Variants in CCDC102B observed in about 807,000 individuals in gnomAD.
The protein encoded by CCDC102B is coiled-coil domain-containing protein 102B.
Under a neutral mutation model 57.4 loss-of-function variants are expected in CCDC102B, and 75 were observed. That is an observed-to-expected ratio of 1.31 (90% CI 1.08 to 1.58). CCDC102B has a LOEUF of 1.58. CCDC102B is among the 40% of genes most tolerant of loss of function. The probability of loss-of-function intolerance (pLI) is 0.00; values close to 1 mark genes in which losing one functional copy is unlikely to be tolerated. For synonymous variants in CCDC102B, 206 were observed against 201.9 expected (o/e 1.02, Z -0.17); for missense variants, 636 against 582.6 (o/e 1.09, Z -0.94).
intron 4 of CCDC102B, among the ~76,000 whole-genome samples, chr18:68,847,796 G>A (rs2037941638): frequency 6.6e-6 from 1 of 151,666 alleles, no homozygotes; most frequent in Admixed American, 6.6e-5. Flanking sequence ...TCTTTTGAGT[G>A]CATATTTCAG....
At chr18:68,973,576 T>C (rs571652953) in intron 6 of CCDC102B, among the ~76,000 whole-genome samples, 2 of 152,234 alleles carry the variant, frequency 1.3e-5, no homozygotes, top group African/African-American at 4.8e-5. Context: ...CACTTTTTCT[T>C]ATAAAACATC....
chr18:68,911,421 C>T lies in CCDC102B; in HGVS notation c.1263+13993C>T, dbSNP rs1038780250. 4.6e-5 allele frequency among the ~76,000 whole-genome samples: 7 copies of T among 152,028 alleles called. No homozygotes were observed. The East Asian group carries it at 9.7e-4, about 21-fold the overall frequency. On this transcript the variant is annotated intron_variant, in intron 6 of 7. Coordinates refer to ENST00000360242, the MANE Select transcript of CCDC102B (RefSeq NM_024781.3). The stretch of plus-strand genomic sequence containing the variant: ...GACACATATGGAAGAACAACAGACA[C>T]GGGGGTCTACAGGAGGGTGGTGGGT...
chr18:68,997,705 A>T (rs141291381), intron 6 of CCDC102B, among the ~76,000 whole-genome samples: 121 of 151,832 alleles, frequency 8.0e-4, no homozygotes, highest in African/African-American at 2.8e-3. Context: ...TATTTCATTC[A>T]TCCGTGTCTT....
At chr18:68,909,162 A>G (rs2040748939) in intron 6 of CCDC102B, among the ~76,000 whole-genome samples, 1 of 107,212 alleles carries the variant, frequency 9.3e-6, no homozygotes, top group African/African-American at 3.6e-5. Flanking sequence ...AAAAAGGAAA[A>G]CAAGAAGGAA....
At chr18:68,843,570 A>T (rs1034274048) in intron 3 of CCDC102B, among the ~76,000 whole-genome samples, 3 of 152,036 alleles carry the variant, frequency 2.0e-5, no homozygotes, top group East Asian at 1.9e-4. Flanking sequence ...TTTGGTTCAC[A>T]TTTTCTATTT....
intron 5 of CCDC102B, among the ~76,000 whole-genome samples, chr18:68,896,916 T>A (rs914328311): frequency 6.6e-6 from 1 of 151,778 alleles, no homozygotes; most frequent in Non-Finnish European, 1.5e-5. Flanking sequence ...CAGTTGAGAG[T>A]GGAGATTAAT....
rs190672725 is a variant in CCDC102B at position 68,875,779 on chromosome 18, G to A, written c.1053+994G>A. Reference sequence around the variant, plus strand: ...ATCATGAAACAGGATTTTGGAAAATGTATATACTGCAAGGGAACAGTTTTC... The same window carrying A: ...ATCATGAAACAGGATTTTGGAAAATATATATACTGCAAGGGAACAGTTTTC... On this transcript the variant is annotated intron_variant, in intron 5 of 7. Coordinates refer to ENST00000360242, the MANE Select transcript of CCDC102B (RefSeq NM_024781.3). Among the ~76,000 whole-genome samples the A allele has an allele frequency of 1.2e-4, 19 of 152,196 alleles. No individual in the cohort carries two copies. The South Asian group carries it at 1.9e-3, about 15-fold the overall frequency.
chr18:69,054,150 A>T lies in CCDC102B; in HGVS notation c.*13A>T. The T allele has an allele frequency of 6.3e-7, 1 of 1,584,508 alleles. No homozygotes were observed. ...GCAAAACTGGTAATTTTTTCACAAAATATGCTGAATTAAAGATTAGGGCCT... is the reference window on the plus strand; with the variant it reads ...GCAAAACTGGTAATTTTTTCACAAATTATGCTGAATTAAAGATTAGGGCCT... On this transcript the variant is annotated 3_prime_UTR_variant, in exon 8 of 8. Transcript: ENST00000360242.
chr18:68,852,529 A>G lies in CCDC102B; in HGVS notation c.936+6108A>G, dbSNP rs528351241. Among the ~76,000 whole-genome samples the G allele has an allele frequency of 9.2e-5, 14 of 152,224 alleles. No individual in the cohort carries two copies. The South Asian group carries it at 2.9e-3, about 32-fold the overall frequency. ...CATTTCTAGATTACTTATAATTCCT[A>G]CACACCATTTCATTCATGTGGAGTC... On this transcript the variant is annotated intron_variant, in intron 4 of 7. Transcript: ENST00000360242.
At chr18:69,049,278 A>G (rs1393193757) in intron 7 of CCDC102B, among the ~76,000 whole-genome samples, 1 of 152,082 alleles carries the variant, frequency 6.6e-6, no homozygotes, top group Non-Finnish European at 1.5e-5. Flanking sequence ...CTTATGAGTG[A>G]GAACATGTGG....
Position 68,726,040 on chromosome 18 carries a change from T to A in CCDC102B, c.-67+9446T>A, listed in dbSNP as rs553940761. On this transcript the variant is annotated intron_variant, in intron 2 of 3. Transcript: ENST00000578970. ...CTGCTAATGAGTCCATTCAGGGTGA[T>A]AGAATTAATTTAGGGGAATGGGGAG... is the stretch of plus-strand genomic sequence containing the variant. 5.9e-5 allele frequency among the ~76,000 whole-genome samples: 9 copies of A among 152,284 alleles called. No homozygotes were observed. In the South Asian group the frequency reaches 1.9e-3, roughly 32 times the overall value.
chr18:68,956,468 T>TATAGAA (rs370415816), intron 6 of CCDC102B, among the ~76,000 whole-genome samples: 1 of 49,614 alleles, frequency 2.0e-5, no homozygotes, highest in Non-Finnish European at 3.0e-5. Flanking sequence ...ATTTTATATA[T>TATAGAA]ATATTATATA....
chr18:68,973,253 T>C (rs1291066391), intron 6 of CCDC102B, among the ~76,000 whole-genome samples: 1 of 152,130 alleles, frequency 6.6e-6, no homozygotes, highest in Admixed American at 6.6e-5. Flanking sequence ...GAAAACAAAC[T>C]TGTCATTTAT....
intron 1 of CCDC102B, among the ~76,000 whole-genome samples, chr18:68,810,966 G>A (rs535126388): frequency 2.2e-4 from 34 of 152,134 alleles, no homozygotes; most frequent in African/African-American, 8.0e-4. Context: ...TTCTGTTCCT[G>A]TGTTAGTTTG....
chr18:69,007,991 A>G (rs1308462268), intron 6 of CCDC102B, among the ~76,000 whole-genome samples: 1 of 152,220 alleles, frequency 6.6e-6, no homozygotes, highest in African/African-American at 2.4e-5. Context: ...AGCATTAATG[A>G]TATAAGAAAT....
intron 6 of CCDC102B, among the ~76,000 whole-genome samples, chr18:68,955,894 T>C (rs1314059157): frequency 6.6e-6 from 1 of 152,082 alleles, no homozygotes; most frequent in Admixed American, 6.6e-5. Flanking sequence ...CAATTATTTA[T>C]CCTTTCTTTG....
chr18:68,827,743 G>A (rs922996896), intron 1 of CCDC102B, among the ~76,000 whole-genome samples: 11 of 151,808 alleles, frequency 7.2e-5, no homozygotes, highest in Admixed American at 2.6e-4. Context: ...CAAACAAAAA[G>A]CATGAGCAAG....
At chr18:69,049,458 A>G (rs2052650471) in intron 7 of CCDC102B, among the ~76,000 whole-genome samples, 1 of 152,064 alleles carries the variant, frequency 6.6e-6, no homozygotes, top group Non-Finnish European at 1.5e-5. Flanking sequence ...AATCTACTTC[A>G]AGGGAAAAGC....
chr18:69,019,890 C>T (rs953810658), intron 7 of CCDC102B, among the ~76,000 whole-genome samples: 31 of 152,084 alleles, frequency 2.0e-4, no homozygotes, highest in Non-Finnish European at 5.9e-5. Flanking sequence ...GTTTCTTCTG[C>T]ACCTATTTTA....
Sources: allele counts gnomAD v4.1 joint callset (sites outside exome capture counted in the v4.1 genomes callset), GRCh38; gene constraint gnomAD v4.1.1; transcripts MANE v1.5; gene names NCBI Gene and HGNC (gene_info 2026-07-23, HGNC 2026-07-21).